The following ENTPD4 variants were observed in gnomAD, a reference collection of about 807,000 sequenced individuals.
The protein encoded by ENTPD4 is Golgi UDPase.
ENTPD4 carries 60 observed loss-of-function variants against 79.1 expected under a neutral mutation model. That is an observed-to-expected ratio of 0.76 (90% CI 0.62 to 0.94). ENTPD4 has a LOEUF of 0.94. Among genes scored for constraint, ENTPD4 ranks in the 40% least tolerant of loss-of-function variants. ENTPD4 has a pLI of 0.00. For synonymous variants in ENTPD4, 276 were observed against 292.0 expected, an observed-to-expected ratio of 0.95 and a Z score of 0.56; for missense variants, 772 against 775.1, an observed-to-expected ratio of 1.00 and a Z score of 0.05.
chr8:23,430,906 G>T lies in ENTPD4; in HGVS notation c.*2020C>A. The T allele has an allele frequency of 1.0e-6, 1 of 985,478 alleles. No homozygotes were observed. Among genetic ancestry groups the T allele is most frequent in the Non-Finnish European group, 1.2e-6 (1 of 829,964 alleles). The allele number at this position is 985,478 out of a possible 1,614,324, so 61.0% of individuals were successfully genotyped here. A position where few individuals can be genotyped will look rare whatever the true frequency, so the allele number is the denominator to read the frequency against. On this transcript the variant is annotated 3_prime_UTR_variant, in exon 13 of 13. Coordinates refer to ENST00000358689, the MANE Select transcript of ENTPD4 (RefSeq NM_004901.5). ...GTGGCCAAGACCAACTTATTAGGTA[G>T]CCAGAAGCTCACCCCTTTCTTAACA...
Position 23,441,597 on chromosome 8 carries a change from T to G in ENTPD4, c.854A>C (p.Lys285Thr), listed in dbSNP as rs1800671135. Residue 285 changes from lysine to threonine, a missense_variant, in exon 8 of 13, where the codon AAA becomes ACA. Coordinates refer to ENST00000358689, the MANE Select transcript of ENTPD4 (RefSeq NM_004901.5). ...VSTQIAYEVP[K>T]TVSFASSQQE... ...CTGTGAGGACGCAAAGCTTACAGTT[T>G]TGGGGACTTCGTACGCTATCTGAGT... 1 of 1,614,076 alleles carries G rather than the reference T, an allele frequency of 6.2e-7. No individual in the cohort carries two copies. Among genetic ancestry groups the G allele is most frequent in the Admixed American group, 1.7e-5 (1 of 60,008 alleles).
chr8:23,449,969 G>T lies in ENTPD4; in HGVS notation c.-69C>A. 1 of 1,608,808 alleles carries T rather than the reference G, an allele frequency of 6.2e-7. No homozygotes were observed. The highest frequency in any genetic ancestry group is 8.5e-7 in the Non-Finnish European group (1 of 1,175,222). On this transcript the variant is annotated 5_prime_UTR_variant, in exon 2 of 13. Coordinates refer to ENST00000358689, the MANE Select transcript of ENTPD4 (RefSeq NM_004901.5). Reference sequence around the variant, plus strand: ...TCTCACAAACAATTATAGAAATAATGCTGGGGTCCTCACGGAGTTAGAGCC... The same window carrying T: ...TCTCACAAACAATTATAGAAATAATTCTGGGGTCCTCACGGAGTTAGAGCC...
intron 8 of ENTPD4, 72 bp downstream of exon 8, chr8:23,441,492 GAAAAC>G (rs1233714786): frequency 6.4e-7 from 1 of 1,573,408 alleles, no homozygotes; most frequent in Non-Finnish European, 8.6e-7. Flanking sequence ...TTCAGACTCA[GAAAAC>G]AAAACAAGAA....
At chr8:23,456,179 C>T (rs1441608724) in intron 1 of ENTPD4, among the ~76,000 whole-genome samples, 1 of 152,226 alleles carries the variant, frequency 6.6e-6, no homozygotes, top group Non-Finnish European at 1.5e-5. Context: ...ATCTCACCAA[C>T]CTATCCTCTC....
At chr8:23,441,951 A>C in intron 7 of ENTPD4, 56 bp downstream of exon 7, 1 of 1,479,280 alleles carries the variant, frequency 6.8e-7, no homozygotes, top group Non-Finnish European at 9.5e-7. Context: ...CCTTTGGATT[A>C]AACAGAAAAG....
chr8:23,447,627 A>T, intron 4 of ENTPD4, 53 bp downstream of exon 4: 1 of 1,411,182 alleles, frequency 7.1e-7, no homozygotes, highest in East Asian at 2.3e-5. Context: ...AAGACGCCAC[A>T]GAGAATGAAG....
In ENTPD4 at chr8:23,429,488, T is replaced by G. The variant is rs1402656585; in HGVS notation, c.*3438A>C. 2.0e-6 allele frequency: 2 copies of G among 985,304 alleles called. No individual in the cohort carries two copies. The highest frequency in any genetic ancestry group is 3.5e-5 in the African/African-American group (2 of 57,254). The allele number at this position is 985,304 out of a possible 1,614,324, so 61.0% of individuals were successfully genotyped here. A position where few individuals can be genotyped will look rare whatever the true frequency, so the allele number is the denominator to read the frequency against. ...GTAATTTACTGAAAGGTAGTTTTGT[T>G]GCATTGCACACAACTGACCGCAGAG... On this transcript the variant is annotated 3_prime_UTR_variant, in exon 13 of 13. Coordinates refer to ENST00000358689, the MANE Select transcript of ENTPD4 (RefSeq NM_004901.5).
intron 1 of ENTPD4, among the ~76,000 whole-genome samples, chr8:23,455,100 C>G (rs1249998328): frequency 2.0e-5 from 3 of 152,298 alleles, no homozygotes; most frequent in African/African-American, 7.2e-5. Context: ...AGCCTACAGT[C>G]AGGTGTCAAT....
At chr8:23,452,024 A>G (rs1222678640) in intron 1 of ENTPD4, among the ~76,000 whole-genome samples, 1 of 152,232 alleles carries the variant, frequency 6.6e-6, no homozygotes, top group Non-Finnish European at 1.5e-5. Context: ...CTTACAAGAC[A>G]GATACTATTA....
rs1253263622 is a variant in ENTPD4 at position 23,436,973 on chromosome 8, C to T, written c.1335G>A (p.Gly445=). ...YYCTEDVLRM[G]GDYNAAKFTK... The stretch of plus-strand genomic sequence containing the variant: ...TAAATTTAGCAGCATTGTAGTCTCC[C>T]CCCATTCGTAACACATCCTCGGTGC... The change falls in exon 10 of 13, where the codon GGG becomes GGA. Residue 445 remains glycine (G), a synonymous_variant. Transcript: ENST00000358689. The T allele has an allele frequency of 1.2e-6, 2 of 1,611,220 alleles. No homozygotes were observed. The highest frequency in any genetic ancestry group is 1.7e-6 in the Non-Finnish European group (2 of 1,178,606).
At chr8:23,452,270 A>G (rs1372884890) in intron 1 of ENTPD4, among the ~76,000 whole-genome samples, 1 of 152,206 alleles carries the variant, frequency 6.6e-6, no homozygotes, top group Non-Finnish European at 1.5e-5. Flanking sequence ...ACCCTAGGAA[A>G]GGGACTGGCA....
chr8:23,456,169 A>G (rs1286633854), intron 1 of ENTPD4, among the ~76,000 whole-genome samples: 1 of 152,176 alleles, frequency 6.6e-6, no homozygotes, highest in African/African-American at 2.4e-5. Flanking sequence ...GGTCCACCTT[A>G]TCTCACCAAC....
chr8:23,441,154 T>G (rs377611180), intron 8 of ENTPD4, among the ~76,000 whole-genome samples: 41 of 152,246 alleles, frequency 2.7e-4, no homozygotes, highest in Non-Finnish European at 5.1e-4. Context: ...GTGGAAGCAG[T>G]GGATACAAAC....
intron 2 of ENTPD4, 86 bp downstream of exon 2, chr8:23,449,807 C>G (rs1800827190): frequency 8.3e-7 from 1 of 1,205,066 alleles, no homozygotes; most frequent in South Asian, 1.2e-5. Context: ...ACATTTTTCA[C>G]TTGCGATTTA....
At chr8:23,435,270 G>A (rs1800535889) in intron 11 of ENTPD4, 122 bp downstream of exon 11, 14 of 664,444 alleles carry the variant, frequency 2.1e-5, no homozygotes, top group Non-Finnish European at 3.5e-5. Flanking sequence ...GGGGCCCAGG[G>A]TAGATGGGAA....
rs1800471309 is a variant in ENTPD4, at chr8:23,432,455, A to G, written c.*471T>C. ...CACTCCTCAATTTAATGCTGTACTCAAAATGGCTAAACGCAATACTTCTAG... is the reference window on the plus strand; with the variant it reads ...CACTCCTCAATTTAATGCTGTACTCGAAATGGCTAAACGCAATACTTCTAG... On this transcript the variant is annotated 3_prime_UTR_variant, in exon 13 of 13. Transcript: ENST00000358689. 1.0e-6 allele frequency: 1 copy of G among 986,542 alleles called. No individual in the cohort carries two copies. The highest frequency in any genetic ancestry group is 6.1e-5 in the Admixed American group (1 of 16,410). 61.1% of individuals were successfully genotyped at this position (986,542 alleles called of 1,614,324 possible).
In ENTPD4 at chr8:23,440,789, C is replaced by T. The variant is rs368501795; in HGVS notation, c.882+780G>A. 1.5e-4 allele frequency among the ~76,000 whole-genome samples: 23 copies of T among 152,312 alleles called. No individual in the cohort carries two copies. The South Asian group carries it at 2.7e-3, about 18-fold the overall frequency. On this transcript the variant is annotated intron_variant, in intron 8 of 12. Transcript: ENST00000358689. ...CCCATGTTGTAGGTACTTTTGTTCA[C>T]GTTTACAGATGAAGAAACCAGCTTA...
intron 8 of ENTPD4, 95 bp from the exon 9 acceptor site, chr8:23,440,010 A>G: frequency 9.8e-7 from 1 of 1,017,246 alleles, no homozygotes; most frequent in East Asian, 2.5e-5. Flanking sequence ...TAAAAGGGAC[A>G]AAAATGTCTG....
rs144330621 is a variant in ENTPD4, at chr8:23,443,902, A to T, written c.615T>A (p.Phe205Leu). Residue 205 changes from phenylalanine to leucine, a missense_variant, in exon 6 of 13, where the codon TTT becomes TTA. Physicochemically the swap from Phe to Leu is conservative, Grantham distance 22. Coordinates refer to ENST00000358689, the MANE Select transcript of ENTPD4 (RefSeq NM_004901.5). Reference protein sequence around the residue: ...EDLLTDIPVHFDFLFSDSHAE... With the variant: ...EDLLTDIPVHLDFLFSDSHAE... Reference sequence around the variant, plus strand: ...CATGAGAGTCAGAAAACAGAAAGTCAAAGTGCACGGGGATATCGGTCAGAA... The same window carrying T: ...CATGAGAGTCAGAAAACAGAAAGTCTAAGTGCACGGGGATATCGGTCAGAA... 20 of 1,613,898 alleles carry T rather than the reference A, an allele frequency of 1.2e-5. No homozygotes were observed. Among genetic ancestry groups the T allele is most frequent in the Non-Finnish European group, 1.5e-5 (18 of 1,179,790 alleles).
Sources: gnomAD v4.1 joint callset for allele counts (sites outside exome capture counted in the v4.1 genomes callset) on GRCh38, gnomAD v4.1.1 for gene constraint, MANE v1.5 for transcripts, NCBI Gene and HGNC (gene_info 2026-07-23, HGNC 2026-07-21) for gene names.